SMAD9: variants seen among roughly 807,000 people sequenced by gnomAD.
SMAD9 encodes SMAD family member 9, also known as MAD homolog 9.
A neutral mutation model predicts 46.1 loss-of-function variants in SMAD9; 36 were observed. The ratio of observed to expected loss-of-function variants is 0.78; its 90% CI spans 0.60 to 1.03. The LOEUF is 1.03. Ranked by LOEUF, SMAD9 falls within the 50% of genes least tolerant of loss-of-function variation. SMAD9 has a pLI of 0.00. For synonymous variants in SMAD9, 245 were observed against 237.1 expected, an observed-to-expected ratio of 1.03 and a Z score of -0.31; for missense variants, 572 against 599.8, an observed-to-expected ratio of 0.95 and a Z score of 0.48.
At chr13:36,872,579 T>C (rs765975249) in intron 3 of SMAD9, 79 bp downstream of exon 3, 78 of 1,495,980 alleles carry the variant, frequency 5.2e-5, no homozygotes, top group Non-Finnish European at 7.2e-5. Context: ...ACAATGACTG[T>C]CATTGTGACT....
intron 1 of SMAD9, among the ~76,000 whole-genome samples, chr13:36,915,602 A>G (rs1238260848): frequency 1.3e-5 from 2 of 152,294 alleles, no homozygotes; most frequent in Middle Eastern, 3.4e-3. Context: ...GAGGAATTGG[A>G]AATTGTCATT....
chr13:36,873,756 A>G (rs750010490), intron 2 of SMAD9, among the ~76,000 whole-genome samples: 1 of 152,126 alleles, frequency 6.6e-6, no homozygotes, highest in Non-Finnish European at 1.5e-5. Flanking sequence ...CCAGCTATTC[A>G]GGAGGCTGAG....
intron 1 of SMAD9, among the ~76,000 whole-genome samples, chr13:36,896,987 A>C (rs1463992725): frequency 3.3e-5 from 5 of 152,112 alleles, no homozygotes; most frequent in Admixed American, 6.5e-5. Context: ...GAAAAAAAAA[A>C]CAGATTTAGA....
intron 1 of SMAD9, among the ~76,000 whole-genome samples, chr13:36,884,722 C>T (rs951443572): frequency 1.3e-5 from 2 of 152,178 alleles, no homozygotes; most frequent in African/African-American, 2.4e-5. Flanking sequence ...ATGATTTCCA[C>T]TCAGTTGGTC....
chr13:36,879,532 T>C lies in SMAD9; in HGVS notation c.158A>G (p.Asp53Gly), dbSNP rs1207454789. 1 of 1,614,094 alleles carries C rather than the reference T, an allele frequency of 6.2e-7. No individual in the cohort carries two copies. The highest frequency in any genetic ancestry group is 1.3e-5 in the African/African-American group (1 of 74,952). The change falls in exon 2 of 7, where the codon GAC (aspartate) becomes GGC (glycine). Residue 53 changes from aspartate (D) to glycine (G), a missense_variant. Transcript: ENST00000379826. ...KKLKKKKGAMDELERALSCPG... is the reference protein window; with the variant it reads ...KKLKKKKGAMGELERALSCPG... Reference sequence around the variant, plus strand: ...GCAGCTGAGAGCCCTCTCCAGCTCGTCCATGGCTCCCTTCTTCTTCTTTAA... The same window carrying C: ...GCAGCTGAGAGCCCTCTCCAGCTCGCCCATGGCTCCCTTCTTCTTCTTTAA...
At chr13:36,904,606 G>T (rs918559243) in intron 1 of SMAD9, among the ~76,000 whole-genome samples, 2 of 152,168 alleles carry the variant, frequency 1.3e-5, no homozygotes, top group African/African-American at 4.8e-5. Flanking sequence ...CCCACTCCAA[G>T]GGGCAACACT....
intron 6 of SMAD9, 111 bp from the exon 7 acceptor site, chr13:36,848,930 G>T: frequency 2.0e-6 from 2 of 993,692 alleles, no homozygotes; most frequent in Non-Finnish European, 3.0e-6. Flanking sequence ...TAGCTCCTGA[G>T]ACCTGAGAGG....
At chr13:36,866,309 G>A (rs2058233766) in intron 4 of SMAD9, among the ~76,000 whole-genome samples, 1 of 151,494 alleles carries the variant, frequency 6.6e-6, no homozygotes, top group African/African-American at 2.4e-5. Context: ...ACATAGAGGG[G>A]CTCACATTCT....
At chr13:36,906,979 C>A (rs2058624759) in intron 1 of SMAD9, among the ~76,000 whole-genome samples, 1 of 151,852 alleles carries the variant, frequency 6.6e-6, no homozygotes, top group African/African-American at 2.4e-5. Context: ...AAAGTGAAAA[C>A]AACCTAAACA....
chr13:36,883,895 C>T (rs1029248130), intron 1 of SMAD9, among the ~76,000 whole-genome samples: 1 of 152,164 alleles, frequency 6.6e-6, no homozygotes, highest in Non-Finnish European at 1.5e-5. Flanking sequence ...CTCTTAGGCA[C>T]GTCATGCTGT....
At chr13:36,863,370 G>A (rs1004427559) in intron 5 of SMAD9, among the ~76,000 whole-genome samples, 1 of 152,192 alleles carries the variant, frequency 6.6e-6, no homozygotes, top group African/African-American at 2.4e-5. Context: ...TTCGGACCAT[G>A]TGACAGTGAG....
chr13:36,865,892 T>C lies in SMAD9; in HGVS notation c.782-134A>G, dbSNP rs556124511. 104 of 734,800 alleles carry C rather than the reference T, an allele frequency of 1.4e-4. 1 individual carries two copies. Among genetic ancestry groups the C allele is most frequent in the South Asian group, 1.1e-3 (67 of 63,280 alleles). 45.5% of individuals were successfully genotyped at this position (734,800 alleles called of 1,614,324 possible). ...CAAGACCAAGCATGCCGCTCTGCAA[T>C]CTTTTAGAACCTGTAGCTCTCATGG... On this transcript the variant is annotated intron_variant, in intron 4 of 6. Coordinates refer to ENST00000379826, the MANE Select transcript of SMAD9 (RefSeq NM_001127217.3).
Position 36,865,580 on chromosome 13 carries a change from G to A in SMAD9, c.960C>T (p.Asn320=), listed in dbSNP as rs1299180127. 6.2e-7 allele frequency: 1 copy of A among 1,614,020 alleles called. No individual in the cohort carries two copies. The highest frequency in any genetic ancestry group is 1.1e-5 in the South Asian group (1 of 91,074). The change falls in exon 5 of 7, where the codon AAC becomes AAT. Residue 320 remains asparagine (N), a synonymous_variant. Coordinates refer to ENST00000379826, the MANE Select transcript of SMAD9 (RefSeq NM_001127217.3). ...TGGTATTTTCTATCGTTGAGTTTCT[G>A]TTTACATTAGAAAGAAGTCCAAGAC... ...RFCLGLLSNV[N]RNSTIENTRR...
intron 5 of SMAD9, among the ~76,000 whole-genome samples, chr13:36,855,566 C>T (rs571960917): frequency 6.6e-6 from 1 of 152,220 alleles, no homozygotes; most frequent in Admixed American, 6.5e-5. Flanking sequence ...CCAGAATATA[C>T]TTATATATTT....
chr13:36,910,444 G>A (rs1287615009), intron 1 of SMAD9, among the ~76,000 whole-genome samples: 2 of 152,052 alleles, frequency 1.3e-5, no homozygotes, highest in Non-Finnish European at 2.9e-5. Context: ...CACCAAGAGT[G>A]AATCTCCCAA....
At chr13:36,881,613 A>G (rs1250741802) in intron 1 of SMAD9, among the ~76,000 whole-genome samples, 1 of 152,372 alleles carries the variant, frequency 6.6e-6, no homozygotes, top group East Asian at 1.9e-4. Context: ...GGCATTGTAC[A>G]GAGATAAACT....
intron 5 of SMAD9, among the ~76,000 whole-genome samples, chr13:36,854,264 T>A (rs2058101341): frequency 6.6e-6 from 1 of 152,230 alleles, no homozygotes; most frequent in Admixed American, 6.5e-5. Context: ...ATTCCTCCCA[T>A]CATTCCTGTT....
At chr13:36,878,082 A>G (rs1231016895) in intron 2 of SMAD9, among the ~76,000 whole-genome samples, 1 of 152,184 alleles carries the variant, frequency 6.6e-6, no homozygotes, top group Non-Finnish European at 1.5e-5. Flanking sequence ...ACCCTGTTAT[A>G]GCCAGTGTGA....
chr13:36,914,315 C>G (rs945381345), intron 1 of SMAD9, among the ~76,000 whole-genome samples: 2 of 152,122 alleles, frequency 1.3e-5, no homozygotes, highest in Non-Finnish European at 2.9e-5. Context: ...GTCAGGAGAT[C>G]GAGACCATCC....
Sources: gnomAD v4.1 joint callset for allele counts (sites outside exome capture counted in the v4.1 genomes callset) on GRCh38, gnomAD v4.1.1 for gene constraint, MANE v1.5 for transcripts, NCBI Gene and HGNC (gene_info 2026-07-23, HGNC 2026-07-21) for gene names.